Variants in TRAF3IP1 observed in about 807,000 individuals in gnomAD.
TRAF3IP1 encodes TRAF3-interacting protein 1.
TRAF3IP1 carries 53 observed loss-of-function variants against 89.9 expected under a neutral mutation model. The observed-to-expected ratio is 0.59, with a 90% CI of 0.47 to 0.74. The LOEUF (loss-of-function observed/expected upper bound fraction) is 0.74. Ranked by LOEUF, TRAF3IP1 falls within the 30% of genes least tolerant of loss-of-function variation. TRAF3IP1 has a pLI of 0.00. For missense variants in TRAF3IP1, 806 were observed against 866.1 expected, an observed-to-expected ratio of 0.93 and a Z score of 0.87; for synonymous variants, 311 against 322.1, an observed-to-expected ratio of 0.97 and a Z score of 0.37.
chr2:238,363,735 G>A (rs1471958933), intron 15 of TRAF3IP1, among the ~76,000 whole-genome samples: 2 of 152,106 alleles, frequency 1.3e-5, no homozygotes, highest in African/African-American at 2.4e-5. Context: ...GCCAAGGTGG[G>A]CGGATCACGA....
intron 8 of TRAF3IP1, among the ~76,000 whole-genome samples, chr2:238,338,672 A>G (rs946662195): frequency 4.6e-5 from 7 of 152,228 alleles, no homozygotes; most frequent in African/African-American, 1.7e-4. Context: ...TTAGTTAATT[A>G]TATGCCTTTT....
At chr2:238,340,429 C>T (rs1411423045) in intron 8 of TRAF3IP1, among the ~76,000 whole-genome samples, 1 of 152,142 alleles carries the variant, frequency 6.6e-6, no homozygotes, top group African/African-American at 2.4e-5. Context: ...GCCCTGTGCC[C>T]ATAGCCTGGG....
Position 238,397,613 on chromosome 2 carries a change from A to G in TRAF3IP1, c.1844A>G (p.Gln615Arg). Residue 615 changes from glutamine to arginine, a missense_variant, in exon 16 of 17, where the codon CAG becomes CGG. Around this residue, in one of 3 missense-constraint regions of TRAF3IP1, gnomAD observed 732 missense variants for 780.5 expected, o/e 0.94. Coordinates refer to ENST00000373327, the MANE Select transcript of TRAF3IP1 (RefSeq NM_015650.4). The stretch of plus-strand genomic sequence containing the variant: ...ATCCAGGAAGACGTGGATGCCATGC[A>G]GAATGAGCTGCAGATGTGGCACAGC... ...DYIQEDVDAM[Q>R]NELQMWHSEN... 6.2e-7 allele frequency: 1 copy of G among 1,612,622 alleles called. No homozygotes were observed. The highest frequency in any genetic ancestry group is 8.5e-7 in the Non-Finnish European group (1 of 1,179,848).
intron 15 of TRAF3IP1, among the ~76,000 whole-genome samples, chr2:238,360,350 G>A (rs1312905916): frequency 1.2e-4 from 19 of 152,158 alleles, no homozygotes; most frequent in Admixed American, 1.2e-3. Context: ...CATAGGGCTG[G>A]GTGCTATGGC....
intron 3 of TRAF3IP1, among the ~76,000 whole-genome samples, chr2:238,327,335 A>G (rs183790258): frequency 2.6e-5 from 4 of 152,206 alleles, no homozygotes; most frequent in East Asian, 3.9e-4. Context: ...TAGGCTTCCT[A>G]TAGGCTGTTG....
chr2:238,326,629 G>C (rs1339873620), intron 3 of TRAF3IP1, among the ~76,000 whole-genome samples: 1 of 152,132 alleles, frequency 6.6e-6, no homozygotes, highest in Non-Finnish European at 1.5e-5. Context: ...CTTTCCCCAG[G>C]GTCTTCCTTC....
chr2:238,359,402 T>G (rs1164344716), intron 15 of TRAF3IP1, among the ~76,000 whole-genome samples: 1 of 152,064 alleles, frequency 6.6e-6, no homozygotes, highest in African/African-American at 2.4e-5. Context: ...CCCTCTGCTC[T>G]GGTTCACTGT....
At chr2:238,334,765 C>T (rs1346787644) in intron 7 of TRAF3IP1, among the ~76,000 whole-genome samples, 3 of 152,166 alleles carry the variant, frequency 2.0e-5, no homozygotes, top group African/African-American at 2.4e-5. Flanking sequence ...ATTAGTAATG[C>T]GTTTGTGACC....
chr2:238,383,785 G>T (rs1245101699), intron 15 of TRAF3IP1, among the ~76,000 whole-genome samples: 2 of 152,146 alleles, frequency 1.3e-5, no homozygotes, highest in Non-Finnish European at 2.9e-5. Context: ...GTTGCAAATT[G>T]AGGTGAATAA....
rs562900478 is a variant in TRAF3IP1, at chr2:238,346,174, A to T, written c.1262-1281A>T. ...CTGCTAAGCACACGCTCCAGGCCGC[A>T]CAGCCATGAGGAAAAGATCTTCTGC... On this transcript the variant is annotated intron_variant, in intron 9 of 16. Coordinates refer to ENST00000373327, the MANE Select transcript of TRAF3IP1 (RefSeq NM_015650.4). Among the ~76,000 whole-genome samples, 135 of 152,240 alleles carry T rather than the reference A, an allele frequency of 8.9e-4. 1 individual carries two copies. In the Middle Eastern group the frequency reaches 0.01, roughly 12 times the overall value.
chr2:238,384,940 A>C (rs1700704186), intron 15 of TRAF3IP1, among the ~76,000 whole-genome samples: 1 of 152,124 alleles, frequency 6.6e-6, no homozygotes, highest in Admixed American at 6.5e-5. Context: ...TTCCTTCTTC[A>C]TGTAGCCATG....
Position 238,348,960 on chromosome 2 carries a change from G to A in TRAF3IP1, c.1367+112G>A, listed in dbSNP as rs561437317. 6.9e-5 allele frequency: 61 copies of A among 887,326 alleles called. 1 individual carries two copies. The African/African-American group carries it at 1.0e-3, about 15-fold the overall frequency. 55.0% of individuals were successfully genotyped at this position (887,326 alleles called of 1,614,324 possible). Reference sequence around the variant, plus strand: ...TTTAGTGCTTGAGCTAACTTATGAGGAATTACTTATACAAAGAATACAAGA... The same window carrying A: ...TTTAGTGCTTGAGCTAACTTATGAGAAATTACTTATACAAAGAATACAAGA... On this transcript the variant is annotated intron_variant, in intron 11 of 16. Coordinates refer to ENST00000373327, the MANE Select transcript of TRAF3IP1 (RefSeq NM_015650.4).
intron 6 of TRAF3IP1, 22 bp downstream of exon 6, chr2:238,332,917 T>C (rs201147295): frequency 1.0e-4 from 161 of 1,558,236 alleles, no homozygotes; most frequent in Middle Eastern, 1.7e-4. Flanking sequence ...AAAATAACTT[T>C]TAAGAGATGT....
chr2:238,355,016 A>T (rs1006714151), intron 14 of TRAF3IP1, among the ~76,000 whole-genome samples: 4 of 152,050 alleles, frequency 2.6e-5, no homozygotes, highest in African/African-American at 9.7e-5. Context: ...AGGGATGTAC[A>T]GTCAGTTACC....
intron 15 of TRAF3IP1, 99 bp from the exon 16 acceptor site, chr2:238,397,360 T>C (rs1701272824): frequency 9.4e-7 from 1 of 1,062,350 alleles, no homozygotes; most frequent in African/African-American, 1.6e-5. Context: ...TGCCTGCGCC[T>C]TTCCTCCCAG....
chr2:238,393,279 C>T (rs900217964), intron 15 of TRAF3IP1, among the ~76,000 whole-genome samples: 1 of 152,202 alleles, frequency 6.6e-6, no homozygotes, highest in African/African-American at 2.4e-5. Context: ...TCGCATTTCC[C>T]TAATGCCTAA....
intron 1 of TRAF3IP1, among the ~76,000 whole-genome samples, chr2:238,322,687 CAAAAAAAAAAAA>C (rs71043130): frequency 4.6e-5 from 2 of 43,586 alleles, no homozygotes; most frequent in African/African-American, 2.2e-4. Flanking sequence ...GACCCTGTCT[CAAAAAAAAAAAA>C]AAAAAAAAAA....
At chr2:238,327,911 C>A (rs1697917797) in intron 3 of TRAF3IP1, among the ~76,000 whole-genome samples, 1 of 152,240 alleles carries the variant, frequency 6.6e-6, no homozygotes, top group South Asian at 2.1e-4. Flanking sequence ...TGGCATGTAT[C>A]AGAATTTCAT....
chr2:238,378,063 A>T (rs954448090), intron 15 of TRAF3IP1, among the ~76,000 whole-genome samples: 9 of 151,904 alleles, frequency 5.9e-5, no homozygotes, highest in African/African-American at 2.2e-4. Flanking sequence ...AATATTACTT[A>T]CTTAGGCATT....
Sources: gnomAD v4.1 joint callset for allele counts (sites outside exome capture counted in the v4.1 genomes callset) on GRCh38, gnomAD v4.1.1 for gene constraint, gnomAD v4.1.1 regional missense constraint, MANE v1.5 for transcripts, NCBI Gene and HGNC (gene_info 2026-07-23, HGNC 2026-07-21) for gene names.